Variants in ST18 observed in about 807,000 individuals in gnomAD.
The protein encoded by ST18 is ST18 C2H2C-type zinc finger transcription factor, also known as suppression of tumorigenicity 18 protein.
ST18 carries 50 observed loss-of-function variants against 110.0 expected under a neutral mutation model. The observed-to-expected ratio is 0.45, with a 90% CI of 0.36 to 0.58. The LOEUF (loss-of-function observed/expected upper bound fraction) is 0.58. Among genes scored for constraint, ST18 ranks in the 20% least tolerant of loss-of-function variants. ST18 has a pLI of 0.00. For synonymous variants in ST18, 461 were observed against 452.4 expected, an observed-to-expected ratio of 1.02 and a Z score of -0.24; for missense variants, 1,306 against 1,280.1, an observed-to-expected ratio of 1.02 and a Z score of -0.31.
At chr8:52,131,872 G>A in intron 22 of ST18, 86 bp downstream of exon 22, 3 of 1,236,526 alleles carry the variant, frequency 2.4e-6, no homozygotes, top group South Asian at 1.4e-5. Context: ...CAACCTTTAG[G>A]GGGTTGTTCA....
At chr8:52,360,685 T>C (rs1009550529) in intron 2 of ST18, among the ~76,000 whole-genome samples, 7 of 152,214 alleles carry the variant, frequency 4.6e-5, no homozygotes, top group African/African-American at 1.4e-4. Flanking sequence ...TAAGTATTTT[T>C]CGATTTATTT....
At chr8:52,380,830 A>G (rs1004265142) in intron 2 of ST18, among the ~76,000 whole-genome samples, 5 of 152,290 alleles carry the variant, frequency 3.3e-5, no homozygotes, top group Non-Finnish European at 7.3e-5. Context: ...TCAGCATTCA[A>G]TCAACACCTA....
At chr8:52,132,800 C>A (rs914542818) in intron 21 of ST18, among the ~76,000 whole-genome samples, 1 of 152,158 alleles carries the variant, frequency 6.6e-6, no homozygotes, top group Admixed American at 6.5e-5. Context: ...CACAATAATA[C>A]TTTCCTTTAA....
chr8:52,326,051 T>G (rs933312810), intron 2 of ST18, among the ~76,000 whole-genome samples: 2 of 152,188 alleles, frequency 1.3e-5, no homozygotes, highest in African/African-American at 4.8e-5. Flanking sequence ...CCCACATCCA[T>G]AGTTAACTAC....
At chr8:52,232,636 T>C (rs2091736765) in intron 2 of ST18, among the ~76,000 whole-genome samples, 1 of 152,136 alleles carries the variant, frequency 6.6e-6, no homozygotes, top group Non-Finnish European at 1.5e-5. Context: ...GATGGAAACA[T>C]TTTAGTCTAA....
chr8:52,120,052 T>C (rs1346076136), intron 23 of ST18, among the ~76,000 whole-genome samples: 4 of 152,336 alleles, frequency 2.6e-5, no homozygotes, highest in South Asian at 4.1e-4. Flanking sequence ...CATGGAACTA[T>C]AGTATCTGGG....
At position 52,186,128 on chromosome 8, in the gene ST18, G is replaced by A. The variant is rs184030432; in HGVS notation, c.87-5816C>T. Among the ~76,000 whole-genome samples, 218 of 152,248 alleles carry A rather than the reference G, an allele frequency of 1.4e-3. 2 individuals carry two copies. Among genetic ancestry groups the A allele is most frequent in the African/African-American group, 5.0e-3 (209 of 41,546 alleles). ...TGTATGGTTTTCCAAAGACCATTAA[G>A]AGAGAAGAAGCAAGCCAAAGAGTGG... On this transcript the variant is annotated intron_variant, in intron 8 of 25. Transcript: ENST00000689386.
intron 2 of ST18, among the ~76,000 whole-genome samples, chr8:52,359,197 C>T (rs1451568560): frequency 6.6e-6 from 1 of 151,694 alleles, no homozygotes; most frequent in African/African-American, 2.4e-5. Flanking sequence ...AAGACAAAAA[C>T]ATTCAACAAA....
chr8:52,301,701 A>T (rs565677186), intron 2 of ST18: 18 of 152,344 alleles, frequency 1.2e-4, no homozygotes, highest in South Asian at 6.2e-4. Flanking sequence ...AATTCTATGA[A>T]ATACTAGAAA....
At chr8:52,197,759 A>T (rs1054316220) in intron 8 of ST18, among the ~76,000 whole-genome samples, 1 of 152,100 alleles carries the variant, frequency 6.6e-6, no homozygotes, top group African/African-American at 2.4e-5. Flanking sequence ...AAGTGTGCAC[A>T]TGTCACAGTT....
intron 22 of ST18, among the ~76,000 whole-genome samples, chr8:52,128,736 A>C (rs905828709): frequency 2.9e-4 from 44 of 152,138 alleles, no homozygotes; most frequent in African/African-American, 1.0e-3. Flanking sequence ...CCTTAGGGGA[A>C]GTGGGGTGAC....
chr8:52,157,622 C>T (rs2060357712), intron 15 of ST18, among the ~76,000 whole-genome samples: 1 of 152,232 alleles, frequency 6.6e-6, no homozygotes, highest in South Asian at 2.1e-4. Flanking sequence ...GCCTGGTATA[C>T]ATATGCATGT....
chr8:52,133,994 G>T (rs891580336), intron 19 of ST18, among the ~76,000 whole-genome samples: 2 of 152,156 alleles, frequency 1.3e-5, no homozygotes, highest in Non-Finnish European at 1.5e-5. Context: ...GCCTCCCAAA[G>T]CTCTGGGATT....
At position 52,163,188 on chromosome 8, in the gene ST18, C is replaced by T. The variant is rs189118710; in HGVS notation, c.1400+798G>A. Among the ~76,000 whole-genome samples, 99 of 152,236 alleles carry T rather than the reference C, an allele frequency of 6.5e-4. 1 individual carries two copies. The highest frequency in any genetic ancestry group is 2.3e-3 in the African/African-American group (94 of 41,540). Reference sequence around the variant, plus strand: ...ATTTTCACTTGACATATGTTCTTCACGCATGTGATTTAAATGCCAATTTTG... The same window carrying T: ...ATTTTCACTTGACATATGTTCTTCATGCATGTGATTTAAATGCCAATTTTG... On this transcript the variant is annotated intron_variant, in intron 13 of 25. Coordinates refer to ENST00000689386, the MANE Select transcript of ST18 (RefSeq NM_001352837.2).
At chr8:52,383,943 G>A (rs1835560802) in intron 2 of ST18, among the ~76,000 whole-genome samples, 1 of 151,956 alleles carries the variant, frequency 6.6e-6, no homozygotes, top group Non-Finnish European at 1.5e-5. Flanking sequence ...TTGGAGAGGA[G>A]GTCTATGTTG....
chr8:52,126,471 G>C (rs1349527457), intron 22 of ST18, among the ~76,000 whole-genome samples: 1 of 152,104 alleles, frequency 6.6e-6, no homozygotes, highest in African/African-American at 2.4e-5. Context: ...TTTATTTTCT[G>C]TAAATGTGAA....
chr8:52,367,234 T>TCACACACACACA (rs1491543543), intron 2 of ST18, among the ~76,000 whole-genome samples: 5,543 of 104,178 alleles, frequency 0.053, 226 homozygotes, highest in African/African-American at 0.11. Context: ...CGGGACCCTG[T>TCACACACACACA]CTCACACACA....
chr8:52,248,070 G>GA (rs146595930), intron 2 of ST18, among the ~76,000 whole-genome samples: 1 of 151,584 alleles, frequency 6.6e-6, no homozygotes, highest in East Asian at 1.9e-4. Flanking sequence ...AGTACTTCAT[G>GA]AAAAAAAATG....
chr8:52,113,362 AC>A, intron 25 of ST18, 24 bp from the exon 26 acceptor site: 1 of 1,612,014 alleles, frequency 6.2e-7, no homozygotes, highest in South Asian at 1.1e-5. Context: ...AAACACATTG[AC>A]CCAATCACAG....
Sources: gnomAD v4.1 joint callset for allele counts (sites outside exome capture counted in the v4.1 genomes callset) on GRCh38, gnomAD v4.1.1 for gene constraint, MANE v1.5 for transcripts, NCBI Gene and HGNC (gene_info 2026-07-23, HGNC 2026-07-21) for gene names.